ANOS1: variants seen among roughly 807,000 people sequenced by gnomAD.
ANOS1 encodes the protein anosmin 1.
Under a neutral mutation model 59.0 loss-of-function variants are expected in ANOS1, and 6 were observed. The ratio of observed to expected loss-of-function variants is 0.10; its 90% confidence interval spans 0.06 to 0.20. The LOEUF (loss-of-function observed/expected upper bound fraction) is 0.20. ANOS1 is among the 10% of genes least tolerant of loss of function. The pLI is 1.00. For synonymous variants in ANOS1, 217 were observed against 223.4 expected, an observed-to-expected ratio of 0.97 and a Z score of 0.25; for missense variants, 433 against 542.3, an observed-to-expected ratio of 0.80 and a Z score of 2.00.
At chrX:8,721,796 C>A (rs1932876844) in intron 1 of ANOS1, among the ~76,000 whole-genome samples, 1 of 112,698 alleles carries the variant, frequency 8.9e-6, no homozygotes, top group Admixed American at 9.3e-5. Flanking sequence ...ACCTGCCTTG[C>A]AGAACAAAGC....
At chrX:8,668,219 T>C (rs1244410007) in intron 2 of ANOS1, among the ~76,000 whole-genome samples, 4 of 106,978 alleles carry the variant, frequency 3.7e-5, no homozygotes, top group African/African-American at 1.4e-4. Flanking sequence ...AAGTCCATTA[T>C]GTCATTATTA....
rs183574750 is a variant in ANOS1 at position 8,685,660 on chromosome X, A to G, written c.255+14038T>C. 2.0e-3 allele frequency among the ~76,000 whole-genome samples: 195 copies of G among 97,533 alleles called. No homozygotes were observed. The East Asian group carries it at 0.029, about 15-fold the overall frequency. 84.7% of individuals were successfully genotyped at this position (97,533 alleles called of 115,157 possible). A position where few individuals can be genotyped will look rare whatever the true frequency, so the allele number is the denominator to read the frequency against. The stretch of plus-strand genomic sequence containing the variant: ...AGAAAGAAAGAAAGAAAGAAAGAAA[A>G]AGAAAGGAAGGAAGGAGGGAGGAAG... On this transcript the variant is annotated intron_variant, in intron 2 of 13. Coordinates refer to ENST00000262648, the MANE Select transcript of ANOS1 (RefSeq NM_000216.4).
intron 2 of ANOS1, among the ~76,000 whole-genome samples, chrX:8,693,343 C>T (rs766012143): frequency 9.0e-6 from 1 of 111,601 alleles, no homozygotes; most frequent in Non-Finnish European, 1.9e-5. Flanking sequence ...GTCTGTATCA[C>T]CTATGTTCCC....
intron 2 of ANOS1, among the ~76,000 whole-genome samples, chrX:8,638,035 C>T (rs922774470): frequency 3.6e-5 from 4 of 111,808 alleles, no homozygotes; most frequent in East Asian, 2.8e-4. Context: ...CACATTGTTA[C>T]TCCAGAGAGG....
chrX:8,693,149 A>C (rs1191629989), intron 2 of ANOS1, among the ~76,000 whole-genome samples: 1 of 112,658 alleles, frequency 8.9e-6, no homozygotes, highest in Non-Finnish European at 1.9e-5. Flanking sequence ...ACATACAATG[A>C]AAAATAGAAT....
chrX:8,726,981 T>C (rs1395114630), intron 1 of ANOS1, among the ~76,000 whole-genome samples: 1 of 112,053 alleles, frequency 8.9e-6, no homozygotes, highest in Non-Finnish European at 1.9e-5. Flanking sequence ...CACTCCAAAG[T>C]AGGTTTAAAC....
chrX:8,535,916 A>T, intron 11 of ANOS1, 105 bp from the exon 12 acceptor site: 2 of 612,374 alleles, frequency 3.3e-6, no homozygotes, highest in South Asian at 4.7e-5. Flanking sequence ...GATGATATTA[A>T]TAGAAGCAAT....
At chrX:8,604,190 C>T (rs1248141974) in intron 3 of ANOS1, among the ~76,000 whole-genome samples, 2 of 111,754 alleles carry the variant, frequency 1.8e-5, no homozygotes, top group Admixed American at 9.5e-5. Context: ...CCATATCTCA[C>T]GGTAAAATAA....
chrX:8,589,231 A>G (rs1045582521), intron 4 of ANOS1, among the ~76,000 whole-genome samples: 1 of 112,169 alleles, frequency 8.9e-6, no homozygotes, highest in Admixed American at 9.5e-5. Flanking sequence ...TCATTAATCT[A>G]AAAAAAGCTA....
chrX:8,717,425 T>A (rs1488066045), intron 1 of ANOS1, among the ~76,000 whole-genome samples: 2 of 111,750 alleles, frequency 1.8e-5, no homozygotes, highest in Non-Finnish European at 3.8e-5. Flanking sequence ...TTTTAAAAAA[T>A]TTCTTTGCAG....
chrX:8,669,392 T>C (rs774368227), intron 2 of ANOS1, among the ~76,000 whole-genome samples: 18 of 111,478 alleles, frequency 1.6e-4, no homozygotes, highest in African/African-American at 5.9e-4. Context: ...TAGTTAATAG[T>C]AATGTATCGA....
intron 2 of ANOS1, among the ~76,000 whole-genome samples, chrX:8,696,977 T>C (rs999738832): frequency 8.9e-6 from 1 of 112,493 alleles, no homozygotes; most frequent in African/African-American, 3.2e-5. Flanking sequence ...TTCCATTATG[T>C]GGAACCCAGC....
chrX:8,646,211 C>G (rs936542263), intron 2 of ANOS1, among the ~76,000 whole-genome samples: 1 of 111,461 alleles, frequency 9.0e-6, no homozygotes, highest in Non-Finnish European at 1.9e-5. Flanking sequence ...TGGTTTTACT[C>G]CTGTCACCCA....
chrX:8,551,916 T>G (rs1929863579), intron 9 of ANOS1, among the ~76,000 whole-genome samples: 1 of 112,495 alleles, frequency 8.9e-6, no homozygotes, highest in Non-Finnish European at 1.9e-5. Flanking sequence ...GAGGTTGCAG[T>G]GAGCTGAGAT....
intron 6 of ANOS1, among the ~76,000 whole-genome samples, chrX:8,575,127 A>T (rs1930299256): frequency 8.9e-6 from 1 of 112,404 alleles, no homozygotes; most frequent in African/African-American, 3.2e-5. Flanking sequence ...AAACTCTGTC[A>T]ATCAGAATTG....
intron 3 of ANOS1, among the ~76,000 whole-genome samples, chrX:8,622,638 T>G (rs906021883): frequency 8.9e-6 from 1 of 111,907 alleles, no homozygotes; most frequent in South Asian, 3.8e-4. Flanking sequence ...CTCTTTTGAC[T>G]CATTCTCTAC....
intron 2 of ANOS1, among the ~76,000 whole-genome samples, chrX:8,646,137 T>G (rs1420667177): frequency 8.9e-6 from 1 of 111,870 alleles, no homozygotes; most frequent in Non-Finnish European, 1.9e-5. Context: ...AAAGGAAAGA[T>G]GGTGAGTCTA....
intron 1 of ANOS1, among the ~76,000 whole-genome samples, chrX:8,704,290 C>A (rs1222713652): frequency 8.9e-6 from 1 of 111,817 alleles, no homozygotes; most frequent in Non-Finnish European, 1.9e-5. Context: ...GATTAGCTTT[C>A]TTTTGTTCCC....
chrX:8,604,712 T>A (rs1445144460), intron 3 of ANOS1, among the ~76,000 whole-genome samples: 1 of 112,158 alleles, frequency 8.9e-6, no homozygotes, highest in Non-Finnish European at 1.9e-5. Context: ...ATCCAGGGGT[T>A]ACTGAAAATC....
Sources: gnomAD v4.1 joint callset for allele counts (sites outside exome capture counted in the v4.1 genomes callset) on GRCh38, gnomAD v4.1.1 for gene constraint, MANE v1.5 for transcripts, NCBI Gene and HGNC (gene_info 2026-07-23, HGNC 2026-07-21) for gene names.